The following MYT1L variants were observed in gnomAD, a reference collection of about 807,000 sequenced individuals.
MYT1L encodes myelin transcription factor 1 like, also known as myelin transcription factor 1-like protein.
Under a neutral mutation model 126.7 loss-of-function variants are expected in MYT1L, and 12 were observed. The observed-to-expected ratio is 0.09, with a 90% CI of 0.06 to 0.15. MYT1L has a LOEUF of 0.15. Among genes scored for constraint, MYT1L ranks in the 10% least tolerant of loss-of-function variants. The pLI is 1.00. For missense variants in MYT1L, 979 were observed against 1,585.2 expected (o/e 0.62, Z 6.49); for synonymous variants, 541 against 604.2 (o/e 0.90, Z 1.53).
Position 1,812,462 on chromosome 2 carries a change from C to T in MYT1L, c.3081-3295G>A, listed in dbSNP as rs559992756. On this transcript the variant is annotated intron_variant, in intron 21 of 24. Transcript: ENST00000647738. ...TCTGAAAGCATAAAATGTCTGAATG[C>T]ACTTTGTGATGGCTCAGTGAGTGGA... Among the ~76,000 whole-genome samples the T allele has an allele frequency of 6.5e-4, 99 of 152,312 alleles. No individual in the cohort carries two copies. The South Asian group carries it at 0.017, about 25-fold the overall frequency.
chr2:1,887,822 A>G lies in MYT1L; in HGVS notation c.2521-213T>C, dbSNP rs2048345283. 6.6e-6 allele frequency among the ~76,000 whole-genome samples: 1 copy of G among 152,208 alleles called. No homozygotes were observed. The highest frequency in any genetic ancestry group is 2.4e-5 in the African/African-American group (1 of 41,452). Reference sequence around the variant, plus strand: ...ACTCCTAAAATGATGGTCACCTGTCAGTGGTCAGGGCCCTTATTCAATATT... The same window carrying G: ...ACTCCTAAAATGATGGTCACCTGTCGGTGGTCAGGGCCCTTATTCAATATT... On this transcript the variant is annotated intron_variant, in intron 16 of 24. Transcript: ENST00000647738. This position sits in a 1 kb window ranked among gnomAD's most constrained non-coding sequence, Gnocchi z 4.8.
intron 3 of MYT1L, among the ~76,000 whole-genome samples, chr2:2,106,549 C>T (rs1242955357): frequency 6.6e-6 from 1 of 151,972 alleles, no homozygotes; most frequent in Admixed American, 6.6e-5. Flanking sequence ...CCCTGGGAGG[C>T]GGAGGTTGCA....
At chr2:2,050,166 A>T (rs2150076418) in intron 4 of MYT1L, among the ~76,000 whole-genome samples, 1 of 152,258 alleles carries the variant, frequency 6.6e-6, no homozygotes, top group Middle Eastern at 3.4e-3. Flanking sequence ...CTGTTTTACA[A>T]AAAAAAGAAC....
intron 14 of MYT1L, among the ~76,000 whole-genome samples, chr2:1,892,761 C>T (rs2049079317): frequency 6.6e-6 from 1 of 152,126 alleles, no homozygotes; most frequent in Admixed American, 6.5e-5. Flanking sequence ...CAACCTGGAT[C>T]CGCGGTCCCT....
intron 3 of MYT1L, among the ~76,000 whole-genome samples, chr2:2,065,905 A>G (rs1472247031): frequency 6.6e-6 from 1 of 152,038 alleles, no homozygotes; most frequent in Non-Finnish European, 1.5e-5. Flanking sequence ...GTTAAAACAG[A>G]AAGAAGAAAT....
Position 1,887,740 on chromosome 2 carries a change from G to T in MYT1L, c.2521-131C>A. The T allele has an allele frequency of 9.0e-7, 1 of 1,113,588 alleles. No homozygotes were observed. The highest frequency in any genetic ancestry group is 1.3e-6 in the Non-Finnish European group (1 of 766,824). 69.0% of individuals were successfully genotyped at this position (1,113,588 alleles called of 1,614,324 possible). A position where few individuals can be genotyped will look rare whatever the true frequency, so the allele number is the denominator to read the frequency against. ...TCTGCTGTACCTTTAAGATCCTTTT[G>T]GTCCTGATAACGCCCCTACTGAAAA... On this transcript the variant is annotated intron_variant, in intron 16 of 24. Coordinates refer to ENST00000647738, the MANE Select transcript of MYT1L (RefSeq NM_001303052.2). This position sits in a 1 kb window ranked among gnomAD's most constrained non-coding sequence, Gnocchi z 4.8.
chr2:2,046,819 CTAA>C (rs1385793663), intron 4 of MYT1L, among the ~76,000 whole-genome samples: 2 of 152,158 alleles, frequency 1.3e-5, no homozygotes, highest in African/African-American at 4.8e-5. Context: ...ATTGATATTG[CTAA>C]TTATTTTCTA....
At chr2:2,055,634 A>T (rs911686155) in intron 3 of MYT1L, among the ~76,000 whole-genome samples, 12 of 152,222 alleles carry the variant, frequency 7.9e-5, no homozygotes, top group Non-Finnish European at 1.5e-5. Context: ...AAAATAGACA[A>T]ATTTAAATAA....
chr2:1,935,672 G>A (rs946128857), intron 9 of MYT1L, among the ~76,000 whole-genome samples: 6 of 152,212 alleles, frequency 3.9e-5, no homozygotes, highest in Admixed American at 6.5e-5. Context: ...TAGGTGACTC[G>A]CTTAGGACAT....
chr2:2,281,253 C>T (rs999731645), intron 2 of MYT1L, among the ~76,000 whole-genome samples: 3 of 152,192 alleles, frequency 2.0e-5, no homozygotes, highest in African/African-American at 7.2e-5. Context: ...GCCGTGATTG[C>T]AAGTTTCCTG....
At position 2,109,251 on chromosome 2, in the gene MYT1L, G is replaced by C. The variant is rs142309549; in HGVS notation, c.-303-55128C>G. On this transcript the variant is annotated intron_variant, in intron 3 of 24. Transcript: ENST00000647738. ...AACAGTCTTTGGAATGTTTGCTACA[G>C]AAGAAAAACACGGCAGTGTGTCCCA... 2.7e-3 allele frequency among the ~76,000 whole-genome samples: 409 copies of C among 152,344 alleles called. 2 individuals are homozygous for C. Among genetic ancestry groups the C allele is most frequent in the African/African-American group, 9.3e-3 (385 of 41,566 alleles).
intron 18 of MYT1L, among the ~76,000 whole-genome samples, chr2:1,875,774 T>C (rs1385818550): frequency 6.6e-6 from 1 of 152,208 alleles, no homozygotes; most frequent in Admixed American, 6.5e-5. Flanking sequence ...CTTGACCTAG[T>C]GATGCCACAC....
chr2:2,246,807 T>A (rs1044684658), intron 2 of MYT1L, among the ~76,000 whole-genome samples: 1 of 152,210 alleles, frequency 6.6e-6, no homozygotes, highest in Non-Finnish European at 1.5e-5. Flanking sequence ...AGCCTAAGTA[T>A]CTTAGCTTTT....
At chr2:2,164,865 G>C (rs1184963180) in intron 3 of MYT1L, among the ~76,000 whole-genome samples, 1 of 152,170 alleles carries the variant, frequency 6.6e-6, no homozygotes, top group African/African-American at 2.4e-5. Context: ...TGTCCTGCTA[G>C]AACAGTTTAT....
intron 5 of MYT1L, among the ~76,000 whole-genome samples, chr2:1,980,957 C>T (rs1057244868): frequency 2.0e-5 from 3 of 152,134 alleles, no homozygotes; most frequent in African/African-American, 7.2e-5. Flanking sequence ...GCTCACAGGG[C>T]ACACCAAAGC....
intron 3 of MYT1L, among the ~76,000 whole-genome samples, chr2:2,126,473 G>C (rs2081709803): frequency 6.6e-6 from 1 of 152,088 alleles, no homozygotes; most frequent in African/African-American, 2.4e-5. Context: ...GAAAGAAGAG[G>C]GTCATGACCA....
In MYT1L at chr2:1,811,033, A is replaced by G. The variant is rs1280958151; in HGVS notation, c.3081-1866T>C. On this transcript the variant is annotated intron_variant, in intron 21 of 24. Transcript: ENST00000647738. This position sits in a 1 kb window ranked among gnomAD's most constrained non-coding sequence, Gnocchi z 4.4. ...TGGGATCCGTGCCCTTATAACAGGG[A>G]CCCAGACAGCTCCTTAACCCCTTCT... is the stretch of plus-strand genomic sequence containing the variant. The G allele has an allele frequency of 6.6e-6, 1 of 152,110 alleles. No homozygotes were observed. Among genetic ancestry groups the G allele is most frequent in the Non-Finnish European group, 1.5e-5 (1 of 68,032 alleles). 9.4% of individuals were successfully genotyped at this position (152,110 alleles called of 1,614,324 possible). A position where few individuals can be genotyped will look rare whatever the true frequency, so the allele number is the denominator to read the frequency against.
intron 9 of MYT1L, among the ~76,000 whole-genome samples, chr2:1,930,222 C>T (rs887409656): frequency 2.6e-5 from 4 of 152,204 alleles, no homozygotes; most frequent in Admixed American, 1.3e-4. Context: ...CAGATCTCTT[C>T]CTCAATACCT....
chr2:2,314,297 C>T (rs1223071241), intron 1 of MYT1L, among the ~76,000 whole-genome samples: 1 of 152,162 alleles, frequency 6.6e-6, no homozygotes, highest in African/African-American at 2.4e-5. Flanking sequence ...GAATCATATA[C>T]AAATCATAGG....
Sources: allele counts gnomAD v4.1 joint callset (sites outside exome capture counted in the v4.1 genomes callset), GRCh38; gene constraint gnomAD v4.1.1; non-coding constraint Gnocchi (gnomAD v3.1); transcripts MANE v1.5; gene names NCBI Gene and HGNC (gene_info 2026-07-23, HGNC 2026-07-21).